Variants in SRFBP1 observed in about 807,000 individuals in gnomAD.
The protein encoded by SRFBP1 is serum response factor-binding protein 1.
SRFBP1 carries 47 observed loss-of-function variants against 45.5 expected under a neutral mutation model. That is an observed-to-expected ratio of 1.03 (90% CI 0.82 to 1.32). The LOEUF is 1.32. Ranked by LOEUF, SRFBP1 falls within the 40% of genes most tolerant of loss-of-function variation. The probability of loss-of-function intolerance (pLI) is 0.00; values close to 1 mark genes in which losing one functional copy is unlikely to be tolerated. For missense variants in SRFBP1, 621 were observed against 484.6 expected, an observed-to-expected ratio of 1.28 and a Z score of -2.64; for synonymous variants, 203 against 166.3, an observed-to-expected ratio of 1.22 and a Z score of -1.70.
At chr5:121,969,956 A>G (rs867913137) in intron 1 of SRFBP1, among the ~76,000 whole-genome samples, 1 of 152,132 alleles carries the variant, frequency 6.6e-6, no homozygotes, top group Non-Finnish European at 1.5e-5. Context: ...CTGTTTTTAC[A>G]ATTCTAACAA....
chr5:122,075,029 G>A (rs1162021846), intron 2 of SRFBP1, among the ~76,000 whole-genome samples: 1 of 152,198 alleles, frequency 6.6e-6, no homozygotes, highest in East Asian at 1.9e-4. Context: ...TTTGAGAATG[G>A]TTTCTGAATG....
rs192635572 is a variant in SRFBP1, at chr5:122,020,855, A to G, written c.1067+53A>G. 1,524 of 1,415,018 alleles carry G rather than the reference A, an allele frequency of 1.1e-3. 11 individuals carry two copies. The highest frequency in any genetic ancestry group is 2.0e-4 in the Non-Finnish European group (217 of 1,064,992). 87.7% of individuals were successfully genotyped at this position (1,415,018 alleles called of 1,614,324 possible). Reference sequence around the variant, plus strand: ...ATCATTAGTTCTTTTTTAAAAAGCTATAAATGTCTACTTGTCCATACATGA... The same window carrying G: ...ATCATTAGTTCTTTTTTAAAAAGCTGTAAATGTCTACTTGTCCATACATGA... On this transcript the variant is annotated intron_variant, in intron 6 of 7. Transcript: ENST00000339397.
chr5:122,071,295 A>G (rs1464221618), intron 2 of SRFBP1, among the ~76,000 whole-genome samples: 1 of 152,086 alleles, frequency 6.6e-6, no homozygotes, highest in Non-Finnish European at 1.5e-5. Flanking sequence ...AAGGCACACT[A>G]AGATCAAATA....
intron 6 of SRFBP1, among the ~76,000 whole-genome samples, 200 bp from the exon 7 acceptor site, chr5:122,022,170 G>A (rs1384989915): frequency 6.6e-6 from 1 of 152,128 alleles, no homozygotes; most frequent in Non-Finnish European, 1.5e-5. Flanking sequence ...TCATGTGTCT[G>A]TAGTAACACT....
At chr5:122,060,532 G>C (rs1754153755) in intron 2 of SRFBP1, among the ~76,000 whole-genome samples, 1 of 151,964 alleles carries the variant, frequency 6.6e-6, no homozygotes, top group Non-Finnish European at 1.5e-5. Flanking sequence ...ATTTGTATCA[G>C]CTGTAGTATC....
chr5:122,066,682 AT>A, intron 2 of SRFBP1: 6 of 1,433,904 alleles, frequency 4.2e-6, no homozygotes, highest in African/African-American at 1.4e-5. Flanking sequence ...AAGTTAGTCT[AT>A]TTTTTCCCAC....
chr5:122,025,110 A>C (rs1182271768), intron 7 of SRFBP1, among the ~76,000 whole-genome samples: 7 of 143,734 alleles, frequency 4.9e-5, no homozygotes, highest in African/African-American at 7.9e-5. Context: ...ATCCCTCCCC[A>C]CTCCCCCCAC....
intron 2 of SRFBP1, among the ~76,000 whole-genome samples, chr5:122,033,674 G>A (rs1367496526): frequency 6.6e-6 from 1 of 151,722 alleles, no homozygotes; most frequent in African/African-American, 2.4e-5. Context: ...GGCCAGGCTG[G>A]TCTCGAAATC....
At position 122,020,389 on chromosome 5, in the gene SRFBP1, C is replaced by G; in HGVS notation, c.654C>G (p.Ser218=). The G allele has an allele frequency of 6.2e-7, 1 of 1,613,960 alleles. No homozygotes were observed. ...AGGATTCTGTAGTTTCCCTTGAGTC[C>G]CAGAAGACACCTGCTGACCCAAAAC... The part of the protein sequence containing the change: ...SEKDSVVSLE[S]QKTPADPKLK... Residue 218 remains serine, a synonymous_variant, in exon 6 of 8, where the codon TCC becomes TCG. Transcript: ENST00000339397.
intron 1 of SRFBP1, among the ~76,000 whole-genome samples, chr5:121,970,059 G>T (rs1026071526): frequency 2.0e-5 from 3 of 152,054 alleles, no homozygotes; most frequent in Non-Finnish European, 4.4e-5. Context: ...TGTTAGGCCT[G>T]TTCATTGACT....
At chr5:121,968,802 G>A (rs558778647) in intron 1 of SRFBP1, among the ~76,000 whole-genome samples, 18 of 152,236 alleles carry the variant, frequency 1.2e-4, no homozygotes, top group African/African-American at 2.4e-4. Flanking sequence ...ATTTGTTGTC[G>A]TAGTTTTTTT....
chr5:121,992,212 G>C (rs973874267), intron 3 of SRFBP1, among the ~76,000 whole-genome samples: 9 of 152,068 alleles, frequency 5.9e-5, no homozygotes, highest in African/African-American at 1.9e-4. Flanking sequence ...TATTCTCTCT[G>C]TAGGCTCTAG....
At chr5:122,052,384 G>T (rs1175791746) in intron 2 of SRFBP1, among the ~76,000 whole-genome samples, 1 of 152,152 alleles carries the variant, frequency 6.6e-6, no homozygotes, top group African/African-American at 2.4e-5. Context: ...AGGGATGCCA[G>T]TGAGTTGTAG....
chr5:122,053,146 TC>T (rs1339803383), intron 2 of SRFBP1, among the ~76,000 whole-genome samples: 5 of 152,130 alleles, frequency 3.3e-5, no homozygotes, highest in Non-Finnish European at 7.3e-5. Flanking sequence ...CATATGTTGT[TC>T]CTGTGCTTCC....
chr5:121,990,497 G>T (rs985496877), intron 3 of SRFBP1, among the ~76,000 whole-genome samples: 2 of 152,058 alleles, frequency 1.3e-5, no homozygotes, highest in Admixed American at 1.3e-4. Context: ...AGCATGACGG[G>T]ATCTTTACTC....
chr5:121,994,357 G>A (rs1159021586), intron 3 of SRFBP1, among the ~76,000 whole-genome samples: 2 of 151,854 alleles, frequency 1.3e-5, no homozygotes, highest in Admixed American at 1.3e-4. Context: ...ACAGTATAGA[G>A]TTAGGTTTTG....
At chr5:122,033,243 A>G (rs1753619739), downstream of SRFBP1, among the ~76,000 whole-genome samples, 2 of 145,900 alleles carry the variant, frequency 1.4e-5, no homozygotes, top group East Asian at 2.0e-4. Context: ...TACCTGTTTT[A>G]TGTACTGCAA....
chr5:122,019,109 G>A (rs879916494), intron 4 of SRFBP1, 151 bp from the exon 5 acceptor site: 8 of 651,918 alleles, frequency 1.2e-5, no homozygotes, highest in Non-Finnish European at 2.1e-5. Flanking sequence ...AGCATGGATT[G>A]ATTATACAGA....
chr5:122,072,271 TTTGA>T (rs1275479423), intron 2 of SRFBP1, among the ~76,000 whole-genome samples: 2 of 152,152 alleles, frequency 1.3e-5, no homozygotes, highest in Non-Finnish European at 2.9e-5. Flanking sequence ...AAGTATAAGC[TTTGA>T]TTATTTGCAC....
Sources: gnomAD v4.1 joint callset for allele counts (sites outside exome capture counted in the v4.1 genomes callset) on GRCh38, gnomAD v4.1.1 for gene constraint, MANE v1.5 for transcripts, NCBI Gene and HGNC (gene_info 2026-07-23, HGNC 2026-07-21) for gene names.